The following CCDC102B variants were observed in gnomAD, a reference collection of about 807,000 sequenced individuals.
CCDC102B encodes coiled-coil domain containing 102B.
CCDC102B carries 75 observed loss-of-function variants against 57.4 expected under a neutral mutation model. The observed-to-expected ratio is 1.31, with a 90% CI of 1.08 to 1.58. The LOEUF (loss-of-function observed/expected upper bound fraction) is 1.58. Among genes scored for constraint, CCDC102B ranks in the 40% most tolerant of loss-of-function variants. The probability of loss-of-function intolerance (pLI) is 0.00; values close to 1 mark genes in which losing one functional copy is unlikely to be tolerated. For missense variants in CCDC102B, 636 were observed against 582.6 expected (o/e 1.09, Z -0.94); for synonymous variants, 206 against 201.9 (o/e 1.02, Z -0.17).
intron 6 of CCDC102B, among the ~76,000 whole-genome samples, chr18:68,952,934 G>T (rs189887803): frequency 7.2e-5 from 11 of 152,092 alleles, no homozygotes; most frequent in Admixed American, 2.0e-4. Context: ...CACATGGGGG[G>T]TAGTGTACTG....
At chr18:68,947,978 C>A (rs970989301) in intron 6 of CCDC102B, among the ~76,000 whole-genome samples, 20 of 152,018 alleles carry the variant, frequency 1.3e-4, no homozygotes, top group African/African-American at 4.8e-4. Context: ...TGGTAATTGT[C>A]CTAGCTGGAT....
chr18:68,778,911 T>A (rs1407122221), intron 2 of CCDC102B, among the ~76,000 whole-genome samples: 1 of 149,420 alleles, frequency 6.7e-6, no homozygotes, highest in Non-Finnish European at 1.5e-5. Context: ...GAAAACCTAG[T>A]ACCAGAATTT....
At chr18:68,773,533 A>G (rs1273118846) in intron 2 of CCDC102B, among the ~76,000 whole-genome samples, 2 of 152,042 alleles carry the variant, frequency 1.3e-5, no homozygotes, top group Non-Finnish European at 2.9e-5. Context: ...ACCCTAATAT[A>G]AATGTATTTT....
chr18:68,948,395 A>G (rs1256242342), intron 6 of CCDC102B, among the ~76,000 whole-genome samples: 1 of 152,062 alleles, frequency 6.6e-6, no homozygotes, highest in Admixed American at 6.6e-5. Context: ...TGTCTTTTTC[A>G]TTAATCTGCA....
At chr18:69,041,371 T>C (rs995460694) in intron 7 of CCDC102B, among the ~76,000 whole-genome samples, 2 of 152,196 alleles carry the variant, frequency 1.3e-5, no homozygotes, top group African/African-American at 4.8e-5. Context: ...CTTGCACTTA[T>C]GGTTAACATG....
At chr18:68,854,723 C>T (rs1599571266) in intron 4 of CCDC102B, among the ~76,000 whole-genome samples, 1 of 152,156 alleles carries the variant, frequency 6.6e-6, no homozygotes, top group Non-Finnish European at 1.5e-5. Context: ...CCTGCTACCT[C>T]GGGATCTGAC....
intron 4 of CCDC102B, among the ~76,000 whole-genome samples, chr18:68,851,522 T>G (rs1599565397): frequency 6.6e-6 from 1 of 152,134 alleles, no homozygotes. Context: ...TTACATAAGT[T>G]GGAATTAATT....
intron 6 of CCDC102B, among the ~76,000 whole-genome samples, chr18:68,982,263 A>G (rs2145296335): frequency 6.6e-6 from 1 of 152,112 alleles, no homozygotes. Flanking sequence ...AGTATAATGC[A>G]TGAATGTTTT....
At chr18:68,874,539 A>G in intron 4 of CCDC102B, 130 bp from the exon 5 acceptor site, 1 of 583,940 alleles carries the variant, frequency 1.7e-6, no homozygotes, top group Non-Finnish European at 3.1e-6. Flanking sequence ...CATCATCAGC[A>G]ACAAGCCTGC....
chr18:68,836,089 T>C (rs745363213), intron 1 of CCDC102B, among the ~76,000 whole-genome samples: 3 of 152,174 alleles, frequency 2.0e-5, no homozygotes, highest in Non-Finnish European at 4.4e-5. Context: ...AAAACCATTA[T>C]GTAGTTAGTG....
Position 68,846,363 on chromosome 18 carries a change from C to G in CCDC102B, c.878C>G (p.Ser293Cys). The G allele has an allele frequency of 6.3e-7, 1 of 1,586,166 alleles. No individual in the cohort carries two copies. Among genetic ancestry groups the G allele is most frequent in the South Asian group, 1.1e-5 (1 of 87,484 alleles). Residue 293 changes from serine (S) to cysteine (C), a missense_variant, in exon 4 of 8, where the codon TCT (serine) becomes TGT (cysteine). By Grantham distance (112) the Ser-to-Cys change is moderately radical (BLOSUM62 -1). Transcript: ENST00000360242. The part of the protein sequence containing the change: ...KEIERLESAL[S>C]LWKWKYEELK... ...ATAGAGAGACTGGAGTCGGCTTTGT[C>G]TCTGTGGAAGTGGAAGTATGAAGAA...
intron 7 of CCDC102B, among the ~76,000 whole-genome samples, chr18:69,043,649 A>G (rs2145479961): frequency 6.6e-6 from 1 of 152,242 alleles, no homozygotes; most frequent in South Asian, 2.1e-4. Flanking sequence ...TTTAACCCTG[A>G]GTTTGACACA....
At chr18:68,994,830 G>A (rs908090467) in intron 6 of CCDC102B, among the ~76,000 whole-genome samples, 1 of 152,190 alleles carries the variant, frequency 6.6e-6, no homozygotes, top group African/African-American at 2.4e-5. Flanking sequence ...GACTGATAGA[G>A]TAAATTGCTA....
At chr18:68,738,480 T>C (rs999541597) in intron 2 of CCDC102B, among the ~76,000 whole-genome samples, 11 of 152,060 alleles carry the variant, frequency 7.2e-5, no homozygotes, top group Admixed American at 2.6e-4. Context: ...TAATGTCCAA[T>C]ATAGACCGTC....
intron 5 of CCDC102B, among the ~76,000 whole-genome samples, chr18:68,891,575 T>C (rs2040080204): frequency 6.6e-6 from 1 of 152,238 alleles, no homozygotes; most frequent in African/African-American, 2.4e-5. Context: ...AATGGAAGGC[T>C]TAAACAGCAG....
intron 7 of CCDC102B, among the ~76,000 whole-genome samples, chr18:69,012,359 T>C (rs916997322): frequency 6.6e-6 from 1 of 152,180 alleles, no homozygotes; most frequent in African/African-American, 2.4e-5. Flanking sequence ...AAATTATTGG[T>C]AAGGAAATAA....
rs10711683 is a variant in CCDC102B at position 68,825,964 on chromosome 18, GT to G, written c.-15-10783del. Among the ~76,000 whole-genome samples, 623 of 152,158 alleles carry G rather than the reference GT, an allele frequency of 4.1e-3. 2 individuals are homozygous for G. The highest frequency in any genetic ancestry group is 0.015 in the African/African-American group (605 of 41,506). On this transcript the variant is annotated intron_variant, in intron 1 of 7. Coordinates refer to ENST00000360242, the MANE Select transcript of CCDC102B (RefSeq NM_024781.3). ...CATTTAATGTCAATTTATATTTCCC[GT>G]TACTGTCATCTCTTCAGAGGGTTAA...
intron 7 of CCDC102B, among the ~76,000 whole-genome samples, chr18:69,036,751 C>T (rs2052303117): frequency 6.6e-6 from 1 of 151,908 alleles, no homozygotes; most frequent in East Asian, 1.9e-4. Context: ...TCATATAACT[C>T]TTAGAAAATA....
chr18:68,869,676 G>C (rs530538784), intron 4 of CCDC102B, among the ~76,000 whole-genome samples: 1 of 152,278 alleles, frequency 6.6e-6, no homozygotes, highest in South Asian at 2.1e-4. Flanking sequence ...TAGGTTGCCT[G>C]TTCACTCTGA....
Sources: gnomAD v4.1 joint callset for allele counts (sites outside exome capture counted in the v4.1 genomes callset) on GRCh38, gnomAD v4.1.1 for gene constraint, MANE v1.5 for transcripts, NCBI Gene and HGNC (gene_info 2026-07-23, HGNC 2026-07-21) for gene names.